The following PDS5B variants were observed in gnomAD, a reference collection of about 807,000 sequenced individuals.
PDS5B encodes PDS5 cohesin associated factor B.
PDS5B carries 51 observed loss-of-function variants against 184.1 expected under a neutral mutation model. The ratio of observed to expected loss-of-function variants is 0.28; its 90% CI spans 0.22 to 0.35. The LOEUF is 0.35. Ranked by LOEUF, PDS5B falls within the 10% of genes least tolerant of loss-of-function variation. PDS5B has a pLI of 1.00. For missense variants in PDS5B, 1,180 were observed against 1,723.3 expected, an observed-to-expected ratio of 0.68 and a Z score of 5.58; for synonymous variants, 566 against 569.2, an observed-to-expected ratio of 0.99 and a Z score of 0.08.
At chr13:32,721,453 G>A (rs1019664229) in intron 19 of PDS5B, among the ~76,000 whole-genome samples, 5 of 151,212 alleles carry the variant, frequency 3.3e-5, no homozygotes, top group African/African-American at 7.3e-5. Flanking sequence ...CAGATGGGGC[G>A]GCCGGGCAGA....
intron 12 of PDS5B, among the ~76,000 whole-genome samples, chr13:32,687,824 A>G (rs527432710): frequency 7.7e-4 from 117 of 152,264 alleles, no homozygotes; most frequent in African/African-American, 2.6e-3. Flanking sequence ...AAATGATTTG[A>G]TAGGTTATTA....
chr13:32,633,325 TAAAA>T (rs59115628), intron 1 of PDS5B, among the ~76,000 whole-genome samples: 1 of 152,148 alleles, frequency 6.6e-6, no homozygotes, highest in South Asian at 2.1e-4. Flanking sequence ...ATATTTTACA[TAAAA>T]AAAGTATTAG....
At chr13:32,683,764 G>T in intron 10 of PDS5B, 114 bp from the exon 11 acceptor site, 1 of 613,702 alleles carries the variant, frequency 1.6e-6, no homozygotes, top group Non-Finnish European at 2.8e-6. Flanking sequence ...TAATTTTCTT[G>T]AAACTTCTAT....
At chr13:32,674,935 GTTC>G (rs1041940661) in intron 8 of PDS5B, among the ~76,000 whole-genome samples, 5 of 142,386 alleles carry the variant, frequency 3.5e-5, no homozygotes, top group Non-Finnish European at 6.2e-5. Flanking sequence ...TTTTTTTTTT[GTTC>G]TTCTTATTTT....
At chr13:32,773,591 A>G (rs1954862493) in intron 34 of PDS5B, among the ~76,000 whole-genome samples, 1 of 152,142 alleles carries the variant, frequency 6.6e-6, no homozygotes, top group South Asian at 2.1e-4. Flanking sequence ...TGTAAGTTGT[A>G]CCTTGATTTT....
intron 19 of PDS5B, among the ~76,000 whole-genome samples, chr13:32,717,817 G>GT: frequency 6.7e-6 from 1 of 148,418 alleles, no homozygotes. Flanking sequence ...ATTGTTCAGA[G>GT]TATAGAAAAG....
chr13:32,672,765 C>T (rs1225711372), intron 7 of PDS5B, among the ~76,000 whole-genome samples: 2 of 152,282 alleles, frequency 1.3e-5, no homozygotes, highest in Admixed American at 1.3e-4. Context: ...TTGGATGATG[C>T]CTGCCCATAC....
At chr13:32,647,921 C>A (rs139669131) in intron 1 of PDS5B, among the ~76,000 whole-genome samples, 8 of 152,066 alleles carry the variant, frequency 5.3e-5, no homozygotes, top group African/African-American at 1.9e-4. Context: ...ATGAAGGCAC[C>A]CTTCTCTAGG....
At chr13:32,670,797 T>G (rs981130399) in intron 7 of PDS5B, among the ~76,000 whole-genome samples, 1 of 152,186 alleles carries the variant, frequency 6.6e-6, no homozygotes, top group African/African-American at 2.4e-5. Context: ...TAAAATTTGG[T>G]TAAATTGCTT....
intron 17 of PDS5B, among the ~76,000 whole-genome samples, chr13:32,701,659 T>G (rs1951866859): frequency 6.6e-6 from 1 of 152,094 alleles, no homozygotes; most frequent in African/African-American, 2.4e-5. Flanking sequence ...CCTGTATATT[T>G]GTTGTTATTC....
intron 3 of PDS5B, among the ~76,000 whole-genome samples, chr13:32,655,292 A>G (rs1950474078): frequency 7.0e-6 from 1 of 142,272 alleles, no homozygotes; most frequent in South Asian, 2.3e-4. Flanking sequence ...GATGTTGAGC[A>G]TTTTTTCATA....
rs151130664 is a variant in PDS5B at position 32,701,835 on chromosome 13, G to A, written c.1856+397G>A. ...TATTTATACCCTTGGGAAACTAGGTGAATCTGTTGCAAAGGAACAAATGAT... is the reference window on the plus strand; with the variant it reads ...TATTTATACCCTTGGGAAACTAGGTAAATCTGTTGCAAAGGAACAAATGAT... On this transcript the variant is annotated intron_variant, in intron 17 of 34. Coordinates refer to ENST00000315596, the MANE Select transcript of PDS5B (RefSeq NM_015032.4). Among the ~76,000 whole-genome samples, 540 of 152,130 alleles carry A rather than the reference G, an allele frequency of 3.5e-3. 1 individual carries two copies. The highest frequency in any genetic ancestry group is 6.4e-3 in the Non-Finnish European group (436 of 67,942).
chr13:32,753,790 TTTAAC>T (rs1178757238), intron 25 of PDS5B, among the ~76,000 whole-genome samples: 7 of 152,310 alleles, frequency 4.6e-5, no homozygotes, highest in African/African-American at 1.4e-4. Flanking sequence ...TGGAGGTACT[TTTAAC>T]AGAATAGTAA....
At chr13:32,689,000 C>T (rs557748195) in intron 13 of PDS5B, 46 of 167,528 alleles carry the variant, frequency 2.7e-4, no homozygotes, top group Non-Finnish European at 4.6e-4. Context: ...TGAGCAGCAC[C>T]GTGTTATAGT....
intron 19 of PDS5B, among the ~76,000 whole-genome samples, chr13:32,730,309 C>T (rs1418572884): frequency 6.6e-6 from 1 of 152,108 alleles, no homozygotes; most frequent in Non-Finnish European, 1.5e-5. Context: ...GTCTATTTAT[C>T]TGTTTTGGTG....
intron 7 of PDS5B, among the ~76,000 whole-genome samples, chr13:32,671,122 G>C (rs1950924617): frequency 6.6e-6 from 1 of 152,140 alleles, no homozygotes; most frequent in African/African-American, 2.4e-5. Context: ...GTATCATACT[G>C]TCTTTTGCAT....
chr13:32,591,204 C>T (rs1414440499), intron 1 of PDS5B, among the ~76,000 whole-genome samples: 3 of 152,036 alleles, frequency 2.0e-5, no homozygotes, highest in Non-Finnish European at 2.9e-5. Context: ...TCTTGGCTCA[C>T]CACAACCTCC....
intron 34 of PDS5B, among the ~76,000 whole-genome samples, chr13:32,774,038 A>G (rs566689069): frequency 6.6e-6 from 1 of 152,132 alleles, no homozygotes; most frequent in East Asian, 1.9e-4. Flanking sequence ...TCTTGACCTC[A>G]AGTGATCTGC....
intron 30 of PDS5B, chr13:32,763,448 T>C (rs1954479090): frequency 6.6e-6 from 1 of 152,162 alleles, no homozygotes; most frequent in African/African-American, 2.4e-5. Flanking sequence ...TTAAGAGTAG[T>C]GAAATGCAGT....
Sources: allele counts gnomAD v4.1 joint callset (sites outside exome capture counted in the v4.1 genomes callset), GRCh38; gene constraint gnomAD v4.1.1; transcripts MANE v1.5; gene names NCBI Gene and HGNC (gene_info 2026-07-23, HGNC 2026-07-21).